Variants in SFTPB observed in about 807,000 individuals in gnomAD.
The protein encoded by SFTPB is surfactant protein B, also known as pulmonary surfactant-associated protein B.
SFTPB carries 32 observed loss-of-function variants against 51.0 expected under a neutral mutation model. That is an observed-to-expected ratio of 0.63 (90% CI 0.47 to 0.84). SFTPB has a LOEUF of 0.84. Among genes scored for constraint, SFTPB ranks in the 40% least tolerant of loss-of-function variants. SFTPB has a pLI of 0.00. For synonymous variants in SFTPB, 211 were observed against 208.5 expected, an observed-to-expected ratio of 1.01 and a Z score of -0.10; for missense variants, 431 against 491.2, an observed-to-expected ratio of 0.88 and a Z score of 1.16.
chr2:85,661,406 G>T, intron 10 of SFTPB, 48 bp downstream of exon 10: 1 of 1,366,662 alleles, frequency 7.3e-7, no homozygotes, highest in South Asian at 1.2e-5. Flanking sequence ...TGCCCTGATG[G>T]TCAGGACCTG....
In SFTPB at chr2:85,657,870, A is replaced by C. The variant is rs1677123491; in HGVS notation, c.*1832T>G. 6.6e-6 allele frequency: 1 copy of C among 151,996 alleles called. No individual in the cohort carries two copies. The highest frequency in any genetic ancestry group is 2.1e-4 in the South Asian group (1 of 4,818). 9.4% of individuals were successfully genotyped at this position (151,996 alleles called of 1,614,324 possible). A position where few individuals can be genotyped will look rare whatever the true frequency, so the allele number is the denominator to read the frequency against. On this transcript the variant is annotated 3_prime_UTR_variant, in exon 11 of 11. Coordinates refer to ENST00000519937, the MANE Select transcript of SFTPB (RefSeq NM_000542.5). ...TCTCAATGGCGGAGAGAATATTACA[A>C]AATACCTTCTTAAGGGTGCGGGGGT...
At chr2:85,663,204 A>G in intron 8 of SFTPB, 142 bp downstream of exon 8, 7 of 1,186,384 alleles carry the variant, frequency 5.9e-6, no homozygotes, top group Non-Finnish European at 8.6e-6. Flanking sequence ...CAGTCCCACC[A>G]TTGTCTGCCC....
intron 4 of SFTPB, 78 bp downstream of exon 4, chr2:85,666,539 C>CTGTGTGTGTGTGTGTGTGTGTG: frequency 6.8e-7 from 1 of 1,463,414 alleles, no homozygotes; most frequent in Non-Finnish European, 9.4e-7. Flanking sequence ...GGCTGGGGTG[C>CTGTGTGTGTGTGTGTGTGTGTG]TGTGTGTGTG....
At chr2:85,666,581 G>T (rs758486451) in intron 4 of SFTPB, 36 bp downstream of exon 4, 10 of 1,610,098 alleles carry the variant, frequency 6.2e-6, no homozygotes, top group South Asian at 4.4e-5. Flanking sequence ...GGGCCTGCGT[G>T]GGGAGGCAGG....
intron 8 of SFTPB, 97 bp from the exon 9 acceptor site, chr2:85,662,206 C>G: frequency 6.5e-7 from 1 of 1,543,132 alleles, no homozygotes. Flanking sequence ...CTCTAGGGCT[C>G]CCTCCCGACT....
At chr2:85,660,281 C>G (rs1456344644) in intron 10 of SFTPB, among the ~76,000 whole-genome samples, 2 of 139,510 alleles carry the variant, frequency 1.4e-5, no homozygotes, top group East Asian at 4.1e-4. Context: ...GCCACCACAT[C>G]TGGCTAATTT....
intron 10 of SFTPB, chr2:85,661,152 C>A: frequency 3.1e-6 from 1 of 323,968 alleles, no homozygotes; most frequent in South Asian, 3.0e-5. Flanking sequence ...CCAGAGAGTC[C>A]CTGGGGCAAG....
rs35297133 is a variant in SFTPB, at chr2:85,662,147, G to A, written c.1003-38C>T. 7,692 of 1,577,652 alleles carry A rather than the reference G, an allele frequency of 4.9e-3. 21 individuals carry two copies. The highest frequency in any genetic ancestry group is 6.0e-3 in the Non-Finnish European group (6,920 of 1,162,214). ...ACACACAGCTGTGGAGGGTCCCTTTGCAGGACTCTCCTGTCGTGTGGTCCT... is the reference window on the plus strand; with the variant it reads ...ACACACAGCTGTGGAGGGTCCCTTTACAGGACTCTCCTGTCGTGTGGTCCT... On this transcript the variant is annotated intron_variant, in intron 8 of 10. Transcript: ENST00000519937.
intron 10 of SFTPB, among the ~76,000 whole-genome samples, chr2:85,660,332 A>G (rs867978607): frequency 8.5e-6 from 1 of 117,648 alleles, no homozygotes; most frequent in African/African-American, 3.5e-5. Flanking sequence ...ACGGGGTTTC[A>G]TCATGTTGGT....
chr2:85,663,769 C>G lies in SFTPB; in HGVS notation c.751G>C (p.Glu251Gln). Residue 251 changes from glutamate to glutamine, a missense_variant, in exon 7 of 11, where the codon GAG (glutamate) becomes CAG (glutamine). Glu to Gln is a conservative substitution (Grantham distance 29, BLOSUM62 2). Coordinates refer to ENST00000519937, the MANE Select transcript of SFTPB (RefSeq NM_000542.5). ...VAGGICQCLAERYSVILLDTL... is the reference protein window; with the variant it reads ...VAGGICQCLAQRYSVILLDTL... ...TCGAGCAGGATGACGGAGTAGCGCT[C>G]AGCCAGGCACTGGCAGATGCCGCCC... 6.2e-7 allele frequency: 1 copy of G among 1,607,014 alleles called. No homozygotes were observed. The highest frequency in any genetic ancestry group is 8.5e-7 in the Non-Finnish European group (1 of 1,177,482).
In SFTPB at chr2:85,659,203, T is replaced by C. The variant is rs976595215; in HGVS notation, c.*499A>G. ...TGAAAAAGCTTAACTTAACAATTTC[T>C]GATGTCTATCTTTTAGAGTTCTGTA... On this transcript the variant is annotated 3_prime_UTR_variant, in exon 11 of 11. Coordinates refer to ENST00000519937, the MANE Select transcript of SFTPB (RefSeq NM_000542.5). 9 of 152,228 alleles carry C rather than the reference T, an allele frequency of 5.9e-5. No homozygotes were observed. Among genetic ancestry groups the C allele is most frequent in the African/African-American group, 2.2e-4 (9 of 41,452 alleles). 9.4% of individuals were successfully genotyped at this position (152,228 alleles called of 1,614,324 possible). A position where few individuals can be genotyped will look rare whatever the true frequency, so the allele number is the denominator to read the frequency against.
Position 85,663,428 on chromosome 2 carries a change from G to A in SFTPB, c.920C>T (p.Thr307Ile), listed in dbSNP as rs1452599862. 8 of 1,613,918 alleles carry A rather than the reference G, an allele frequency of 5.0e-6. No individual in the cohort carries two copies. In the African/African-American group the frequency reaches 9.3e-5, roughly 19 times the overall value. ...CTGCTCGCTGCTGTTCCCGGCCTGG[G>A]TGGTCACGGACATGCAGAGGTGGCA... is the stretch of plus-strand genomic sequence containing the variant. ...SECHLCMSVT[T>I]QAGNSSEQAI... Residue 307 changes from threonine to isoleucine, a missense_variant, in exon 8 of 11, where the codon ACC (threonine) becomes ATC (isoleucine). Thr to Ile is a moderately conservative substitution (Grantham distance 89). Coordinates refer to ENST00000519937, the MANE Select transcript of SFTPB (RefSeq NM_000542.5).
rs1268885420 is a variant in SFTPB, at chr2:85,657,884, G to A, written c.*1818C>T. The A allele has an allele frequency of 5.9e-5, 9 of 151,950 alleles. No homozygotes were observed. 9.4% of individuals were successfully genotyped at this position (151,950 alleles called of 1,614,324 possible). On this transcript the variant is annotated 3_prime_UTR_variant, in exon 11 of 11. Transcript: ENST00000519937. Reference sequence around the variant, plus strand: ...AGAATATTACAAAATACCTTCTTAAGGGTGCGGGGGTGCGGGCGTGGGGTG... The same window carrying A: ...AGAATATTACAAAATACCTTCTTAAAGGTGCGGGGGTGCGGGCGTGGGGTG...
rs1404353662 is a variant in SFTPB at position 85,657,504 on chromosome 2, T to C, written c.*2198A>G. 2 of 152,188 alleles carry C rather than the reference T, an allele frequency of 1.3e-5. No homozygotes were observed. Among genetic ancestry groups the C allele is most frequent in the African/African-American group, 4.8e-5 (2 of 41,432 alleles). 9.4% of individuals were successfully genotyped at this position (152,188 alleles called of 1,614,324 possible). A position where few individuals can be genotyped will look rare whatever the true frequency, so the allele number is the denominator to read the frequency against. Reference sequence around the variant, plus strand: ...TCCCCAGGCCCAAGAGCAGGCTGCATAGACAGCTCTTTCTGGCGCTTGAAC... The same window carrying C: ...TCCCCAGGCCCAAGAGCAGGCTGCACAGACAGCTCTTTCTGGCGCTTGAAC... On this transcript the variant is annotated 3_prime_UTR_variant, in exon 11 of 11. Transcript: ENST00000519937.
intron 8 of SFTPB, among the ~76,000 whole-genome samples, chr2:85,662,840 CAAAAAAAAAAAA>C (rs34015129): frequency 7.2e-5 from 2 of 27,658 alleles, no homozygotes; most frequent in Non-Finnish European, 1.0e-4. Flanking sequence ...AACTCCATCT[CAAAAAAAAAAAA>C]AAAAAAAAAA....
In SFTPB at chr2:85,667,189, G is replaced by A. The variant is rs578214689; in HGVS notation, c.196-12C>T. The A allele has an allele frequency of 2.5e-6, 4 of 1,610,808 alleles. No homozygotes were observed. In the African/African-American group the frequency reaches 4.0e-5, roughly 16 times the overall value. ...TGGCATAGGTCATCCTGGGGAGGGA[G>A]GGGCCCCAAGGTGGAGGACACATGA... On this transcript the variant is annotated splice_polypyrimidine_tract_variant and intron_variant, in intron 2 of 10. Coordinates refer to ENST00000519937, the MANE Select transcript of SFTPB (RefSeq NM_000542.5).
Position 85,657,688 on chromosome 2 carries a change from A to C in SFTPB, c.*2014T>G, listed in dbSNP as rs1677115905. ...AGACTACCAAACAGGCTTTGTGTGA[A>C]CAATAAAGCTTTTTAATCACCTGGG... is the stretch of plus-strand genomic sequence containing the variant. On this transcript the variant is annotated 3_prime_UTR_variant, in exon 11 of 11. Coordinates refer to ENST00000519937, the MANE Select transcript of SFTPB (RefSeq NM_000542.5). 6.6e-6 allele frequency: 1 copy of C among 152,226 alleles called. No homozygotes were observed. The highest frequency in any genetic ancestry group is 2.4e-5 in the African/African-American group (1 of 41,458). 9.4% of individuals were successfully genotyped at this position (152,226 alleles called of 1,614,324 possible). A position where few individuals can be genotyped will look rare whatever the true frequency, so the allele number is the denominator to read the frequency against.
intron 3 of SFTPB, 41 bp downstream of exon 3, chr2:85,667,065 T>TTGGG (rs756471368): frequency 6.7e-5 from 102 of 1,533,192 alleles, no homozygotes; most frequent in Middle Eastern, 1.7e-4. Context: ...GTCCCTCATC[T>TTGGG]CTTGGGCCCC....
intron 4 of SFTPB, 144 bp downstream of exon 4, chr2:85,666,471 TTG>T: frequency 3.2e-6 from 2 of 622,890 alleles, no homozygotes; most frequent in Middle Eastern, 4.5e-4. Context: ...TGCTGTGTGT[TTG>T]TGTCTGGCCG....
Sources: allele counts gnomAD v4.1 joint callset (sites outside exome capture counted in the v4.1 genomes callset), GRCh38; gene constraint gnomAD v4.1.1; transcripts MANE v1.5; gene names NCBI Gene and HGNC (gene_info 2026-07-23, HGNC 2026-07-21).